VWC2L: variants seen among roughly 807,000 people sequenced by gnomAD.
VWC2L encodes the protein von Willebrand factor C domain-containing protein 2-like.
A neutral mutation model predicts 21.6 loss-of-function variants in VWC2L; 10 were observed. The observed-to-expected ratio is 0.46, with a 90% CI of 0.29 to 0.78. VWC2L has a LOEUF of 0.78. Among genes scored for constraint, VWC2L ranks in the 30% least tolerant of loss-of-function variants. VWC2L has a pLI of 0.10. For synonymous variants in VWC2L, 96 were observed against 94.3 expected (o/e 1.02, Z -0.10); for missense variants, 209 against 277.1 (o/e 0.75, Z 1.74).
intron 2 of VWC2L, among the ~76,000 whole-genome samples, chr2:214,422,184 G>C (rs573827816): frequency 6.6e-5 from 10 of 151,880 alleles, no homozygotes; most frequent in African/African-American, 2.4e-4. Context: ...CACCGCGCCC[G>C]GCCTATTTCC....
chr2:214,557,077 C>G (rs564791724), intron 3 of VWC2L, among the ~76,000 whole-genome samples: 3 of 152,240 alleles, frequency 2.0e-5, no homozygotes, highest in South Asian at 4.1e-4. Context: ...CCTGAGGTCA[C>G]ACTGCTATTA....
intron 1 of VWC2L, among the ~76,000 whole-genome samples, chr2:214,412,743 A>G (rs551874320): frequency 3.5e-4 from 54 of 152,142 alleles, no homozygotes; most frequent in Non-Finnish European, 6.8e-4. Flanking sequence ...AAGTTTCCTA[A>G]TGTCATCTTT....
intron 3 of VWC2L, among the ~76,000 whole-genome samples, chr2:214,544,745 T>A (rs114588910): frequency 0.01 from 1,573 of 152,198 alleles, 10 homozygotes; most frequent in Middle Eastern, 0.024. Context: ...GATGAGATGA[T>A]TACAAAAGGT....
At chr2:214,429,772 T>C (rs1322286020) in intron 2 of VWC2L, among the ~76,000 whole-genome samples, 1 of 152,104 alleles carries the variant, frequency 6.6e-6, no homozygotes, top group Non-Finnish European at 1.5e-5. Context: ...CCCTTAAATA[T>C]ATACTAAAGT....
At chr2:214,511,839 TAC>T (rs140020496) in intron 3 of VWC2L, among the ~76,000 whole-genome samples, 52,989 of 147,312 alleles carry the variant, frequency 0.36, 11,021 homozygotes, top group Non-Finnish European at 0.48. Flanking sequence ...TATATATATA[TAC>T]ACTTTATATA....
At chr2:214,434,975 C>T (rs1702657347) in intron 2 of VWC2L, among the ~76,000 whole-genome samples, 1 of 152,060 alleles carries the variant, frequency 6.6e-6, no homozygotes, top group Admixed American at 6.6e-5. Flanking sequence ...TTCCCCCATA[C>T]TGGCAGTAAA....
At chr2:214,514,063 T>C (rs1205801091) in intron 3 of VWC2L, among the ~76,000 whole-genome samples, 1 of 152,094 alleles carries the variant, frequency 6.6e-6, no homozygotes, top group African/African-American at 2.4e-5. Flanking sequence ...GTTCAGCCCA[T>C]ATACACACAC....
chr2:214,444,144 A>T (rs865975124), intron 3 of VWC2L, among the ~76,000 whole-genome samples: 3 of 152,252 alleles, frequency 2.0e-5, no homozygotes, highest in Admixed American at 1.3e-4. Context: ...CTACATATGA[A>T]AATTTGGTAT....
At chr2:214,559,217 G>T (rs1689924567) in intron 3 of VWC2L, among the ~76,000 whole-genome samples, 1 of 151,994 alleles carries the variant, frequency 6.6e-6, no homozygotes, top group African/African-American at 2.4e-5. Context: ...CATTTATGCA[G>T]CCAAAAAACA....
intron 3 of VWC2L, among the ~76,000 whole-genome samples, chr2:214,550,335 AAT>A (rs1199457228): frequency 6.6e-6 from 1 of 152,254 alleles, no homozygotes; most frequent in Admixed American, 6.5e-5. Flanking sequence ...CATTCTTAAT[AAT>A]ATGTTTCCAT....
chr2:214,422,666 A>G (rs1034623380), intron 2 of VWC2L, among the ~76,000 whole-genome samples: 3 of 152,220 alleles, frequency 2.0e-5, no homozygotes, highest in Non-Finnish European at 2.9e-5. Context: ...ACTGATTAGC[A>G]TCAGTAATTT....
intron 3 of VWC2L, among the ~76,000 whole-genome samples, chr2:214,450,792 T>C (rs927292739): frequency 6.6e-6 from 1 of 152,172 alleles, no homozygotes; most frequent in African/African-American, 2.4e-5. Flanking sequence ...CCTTTTCACA[T>C]GTTTTCTCAA....
chr2:214,436,664 C>A lies in VWC2L; in HGVS notation c.426C>A (p.Ser142Arg). Reference sequence around the variant, plus strand: ...GTGAATGGTGTCGCTGTGAGCCCAGCAATGAAGTTCACTGTGTTGTAGCAG... The same window carrying A: ...GTGAATGGTGTCGCTGTGAGCCCAGAAATGAAGTTCACTGTGTTGTAGCAG... ...SPCEWCRCEP[S>R]NEVHCVVADC... Residue 142 changes from serine to arginine, a missense_variant, in exon 3 of 4, where the codon AGC becomes AGA. Ser to Arg is a moderately radical substitution (Grantham distance 110). Transcript: ENST00000312504. The A allele has an allele frequency of 6.2e-7, 1 of 1,613,408 alleles. No individual in the cohort carries two copies. Among genetic ancestry groups the A allele is most frequent in the Non-Finnish European group, 8.5e-7 (1 of 1,179,444 alleles).
chr2:214,476,416 AT>A (rs1416543073), intron 3 of VWC2L, among the ~76,000 whole-genome samples: 1 of 152,202 alleles, frequency 6.6e-6, no homozygotes, highest in African/African-American at 2.4e-5. Context: ...AATTGCAGAA[AT>A]ATTCATTGGG....
chr2:214,428,505 C>T (rs1475871168), intron 2 of VWC2L, among the ~76,000 whole-genome samples: 1 of 152,076 alleles, frequency 6.6e-6, no homozygotes, highest in Non-Finnish European at 1.5e-5. Context: ...AGAGGTTTAT[C>T]AAGAAAGTAC....
At chr2:214,484,811 C>T (rs1688653843) in intron 3 of VWC2L, among the ~76,000 whole-genome samples, 1 of 152,080 alleles carries the variant, frequency 6.6e-6, no homozygotes, top group Non-Finnish European at 1.5e-5. Flanking sequence ...TTAATTTGGC[C>T]TTTGCAAGCT....
intron 2 of VWC2L, among the ~76,000 whole-genome samples, chr2:214,427,545 G>A (rs1469607496): frequency 6.6e-6 from 1 of 152,042 alleles, no homozygotes; most frequent in Non-Finnish European, 1.5e-5. Flanking sequence ...ATTCTCAATC[G>A]AACCACAATT....
intron 2 of VWC2L, 56 bp from the exon 3 acceptor site, chr2:214,436,569 TATGA>T: frequency 6.3e-7 from 1 of 1,592,284 alleles, no homozygotes; most frequent in Middle Eastern, 1.7e-4. Context: ...TCTGACAGCA[TATGA>T]ATGTGCAAGC....
At chr2:214,427,151 T>A (rs1190883706) in intron 2 of VWC2L, among the ~76,000 whole-genome samples, 1 of 151,842 alleles carries the variant, frequency 6.6e-6, no homozygotes, top group East Asian at 2.0e-4. Context: ...AAATGCACAC[T>A]CTCTAATACT....
Sources: gnomAD v4.1 joint callset for allele counts (sites outside exome capture counted in the v4.1 genomes callset) on GRCh38, gnomAD v4.1.1 for gene constraint, MANE v1.5 for transcripts, NCBI Gene and HGNC (gene_info 2026-07-23, HGNC 2026-07-21) for gene names.